The following STIM1 variants were observed in gnomAD, a reference collection of about 807,000 sequenced individuals.
STIM1 encodes the protein stromal interaction molecule 1.
In STIM1, 25 loss-of-function variants were observed where a neutral mutation model predicts 74.7. The observed-to-expected ratio is 0.33, with a 90% confidence interval of 0.24 to 0.47. The LOEUF is 0.47. STIM1 is among the 20% of genes least tolerant of loss of function. The pLI is 1.00. For missense variants in STIM1, 728 were observed against 920.8 expected (o/e 0.79, Z 2.71); for synonymous variants, 328 against 348.8 (o/e 0.94, Z 0.66).
At chr11:4,023,783 A>T in intron 2 of STIM1, 90 bp from the exon 3 acceptor site, 1 of 867,346 alleles carries the variant, frequency 1.2e-6, no homozygotes, top group Non-Finnish European at 1.9e-6. Context: ...GGAATGTGTT[A>T]TGGCTAGCTA....
chr11:3,895,613 T>C (rs1237792764), intron 1 of STIM1, among the ~76,000 whole-genome samples: 414 of 2,288 alleles, frequency 0.18, 7 homozygotes, highest in Admixed American at 0.21. Flanking sequence ...TCTCTCTCTT[T>C]CTTTCTTTCT....
intron 12 of STIM1, among the ~76,000 whole-genome samples, chr11:4,091,059 C>T (rs1180367438): frequency 6.6e-6 from 1 of 151,778 alleles, no homozygotes; most frequent in Non-Finnish European, 1.5e-5. Context: ...CTCCTCCTGC[C>T]TCCTCTCTTA....
intron 2 of STIM1, among the ~76,000 whole-genome samples, chr11:3,981,469 C>T (rs1201411390): frequency 1.3e-5 from 2 of 152,070 alleles, no homozygotes; most frequent in Non-Finnish European, 2.9e-5. Flanking sequence ...GCTGAGTTGA[C>T]GTTATTTTTG....
intron 2 of STIM1, among the ~76,000 whole-genome samples, chr11:3,983,978 T>C (rs535282612): frequency 6.6e-6 from 1 of 152,260 alleles, no homozygotes; most frequent in African/African-American, 2.4e-5. Context: ...GCGATTCTCC[T>C]GCCTCAGCCT....
chr11:3,923,499 C>A (rs1565116845), intron 1 of STIM1, among the ~76,000 whole-genome samples: 1 of 150,908 alleles, frequency 6.6e-6, no homozygotes, highest in African/African-American at 2.5e-5. Flanking sequence ...ATCCCAGCTA[C>A]TTGGGAGGCT....
At position 4,083,486 on chromosome 11, in the gene STIM1, T is replaced by C; in HGVS notation, c.1462T>C (p.Leu488=). ...DDMDEEIVSP[L]SMQYAAWLMG... Reference sequence around the variant, plus strand: ...CATGGATGAGGAGATTGTGTCTCCCTTGTCCATGCAGTGTAGGTGACCTCT... The same window carrying C: ...CATGGATGAGGAGATTGTGTCTCCCCTGTCCATGCAGTGTAGGTGACCTCT... Residue 488 remains leucine (L), a synonymous_variant, in exon 10 of 13, where the codon TTG becomes CTG. Transcript: ENST00000526596. The C allele has an allele frequency of 6.2e-7, 1 of 1,613,826 alleles. No homozygotes were observed. Among genetic ancestry groups the C allele is most frequent in the Non-Finnish European group, 8.5e-7 (1 of 1,179,806 alleles).
intron 1 of STIM1, among the ~76,000 whole-genome samples, chr11:3,901,310 A>G (rs918460405): frequency 2.0e-5 from 3 of 152,246 alleles, no homozygotes; most frequent in African/African-American, 4.8e-5. Flanking sequence ...TGATAAGGAA[A>G]GGTATACAGG....
chr11:3,976,995 A>G (rs1373795569), intron 2 of STIM1, among the ~76,000 whole-genome samples: 1 of 151,976 alleles, frequency 6.6e-6, no homozygotes, highest in South Asian at 2.1e-4. Flanking sequence ...GGGTTTCGCC[A>G]TGTTGGTCAT....
chr11:4,044,758 T>C (rs927014357), intron 3 of STIM1, among the ~76,000 whole-genome samples: 3 of 152,210 alleles, frequency 2.0e-5, no homozygotes, highest in Admixed American at 2.0e-4. Context: ...GCGATTATTC[T>C]AGAGTCCATC....
At chr11:3,921,938 C>T (rs2092722665) in intron 1 of STIM1, 1 of 152,176 alleles carries the variant, frequency 6.6e-6, no homozygotes, top group South Asian at 2.1e-4. Context: ...GAAAGCAAAT[C>T]CTCCAGCCCC....
rs139835540 is a variant in STIM1 at position 3,969,256 on chromosome 11, A to T, written c.270+1574A>T. Among the ~76,000 whole-genome samples, 11 of 152,060 alleles carry T rather than the reference A, an allele frequency of 7.2e-5. No homozygotes were observed. The South Asian group carries it at 2.1e-3, about 29-fold the overall frequency. ...TCCCAGCACTTCGGGAGGCCAAGGC[A>T]GGAGGATAGCTTGAGGCCAAGAATT... is the stretch of plus-strand genomic sequence containing the variant. On this transcript the variant is annotated intron_variant, in intron 2 of 12. Transcript: ENST00000526596.
rs141537848 is a variant in STIM1 at position 3,926,611 on chromosome 11, G to T, written c.140-40941G>T. On this transcript the variant is annotated intron_variant, in intron 1 of 12. Coordinates refer to ENST00000526596, the MANE Select transcript of STIM1 (RefSeq NM_001382567.1). ...GCTTTAAGTCCAGCAAATACTTTGT[G>T]TGGATAGTACTGCCAGCAGCTGCAA... is the stretch of plus-strand genomic sequence containing the variant. 4.5e-4 allele frequency among the ~76,000 whole-genome samples: 69 copies of T among 152,324 alleles called. No homozygotes were observed. In the East Asian group the frequency reaches 0.013, roughly 28 times the overall value.
intron 5 of STIM1, among the ~76,000 whole-genome samples, chr11:4,065,771 GA>G (rs2094361496): frequency 6.6e-6 from 1 of 152,182 alleles, no homozygotes; most frequent in Non-Finnish European, 1.5e-5. Context: ...AACTAGAAGG[GA>G]GGGGGGCCCA....
At chr11:4,065,305 G>T (rs917788349) in intron 5 of STIM1, among the ~76,000 whole-genome samples, 2 of 152,100 alleles carry the variant, frequency 1.3e-5, no homozygotes, top group Non-Finnish European at 2.9e-5. Flanking sequence ...TTGCTTTTCT[G>T]GCAAAGCTCA....
At position 4,059,199 on chromosome 11, in the gene STIM1, C is replaced by A. The variant is rs1033909253; in HGVS notation, c.498-82C>A. On this transcript the variant is annotated intron_variant, in intron 4 of 12. Transcript: ENST00000526596. The stretch of plus-strand genomic sequence containing the variant: ...GCAATCACCAAGAGCTAGAAGTGTT[C>A]CTGGGGGAGGCGGGTAATCCTACCA... The A allele has an allele frequency of 9.1e-6, 11 of 1,207,174 alleles. No homozygotes were observed. The Admixed American group carries it at 1.6e-4, about 17-fold the overall frequency. 74.8% of individuals were successfully genotyped at this position (1,207,174 alleles called of 1,614,324 possible).
At position 3,867,813 on chromosome 11, in the gene STIM1, C is replaced by G. The variant is rs1590507163; in HGVS notation, c.139+11404C>G. Among the ~76,000 whole-genome samples the G allele has an allele frequency of 2.0e-5, 3 of 151,978 alleles. No homozygotes were observed. The East Asian group carries it at 5.8e-4, about 29-fold the overall frequency. On this transcript the variant is annotated intron_variant, in intron 1 of 12. Coordinates refer to ENST00000526596, the MANE Select transcript of STIM1 (RefSeq NM_001382567.1). Reference sequence around the variant, plus strand: ...GCCCCTGGCTGCCTTGTGTTGATCTCTGGCCTAGGTAATGACCAGAAATCT... The same window carrying G: ...GCCCCTGGCTGCCTTGTGTTGATCTGTGGCCTAGGTAATGACCAGAAATCT...
At chr11:3,931,926 T>A (rs1259678808) in intron 1 of STIM1, among the ~76,000 whole-genome samples, 2 of 152,076 alleles carry the variant, frequency 1.3e-5, no homozygotes, top group Non-Finnish European at 2.9e-5. Flanking sequence ...GGGTTTTGAG[T>A]TGAATGAAGG....
chr11:4,092,071 T>G lies in STIM1; in HGVS notation c.*273T>G. 5.9e-6 allele frequency: 3 copies of G among 505,490 alleles called. No individual in the cohort carries two copies. The highest frequency in any genetic ancestry group is 1.1e-5 in the Non-Finnish European group (3 of 278,002). The allele number at this position is 505,490 out of a possible 1,614,324, so 31.3% of individuals were successfully genotyped here. Reference sequence around the variant, plus strand: ...ACTTCAGTGCATGTCTTAGTTGCTGTTCCCTCAGCTCCCAGCTCCACCTCT... The same window carrying G: ...ACTTCAGTGCATGTCTTAGTTGCTGGTCCCTCAGCTCCCAGCTCCACCTCT... On this transcript the variant is annotated 3_prime_UTR_variant, in exon 13 of 13. Transcript: ENST00000526596.
At chr11:3,930,095 G>A (rs114815385) in intron 1 of STIM1, among the ~76,000 whole-genome samples, 243 of 152,278 alleles carry the variant, frequency 1.6e-3, no homozygotes, top group African/African-American at 5.2e-3. Context: ...GCTGCATCAG[G>A]TCAAGTGGAA....
Sources: gnomAD v4.1 joint callset for allele counts (sites outside exome capture counted in the v4.1 genomes callset) on GRCh38, gnomAD v4.1.1 for gene constraint, MANE v1.5 for transcripts, NCBI Gene and HGNC (gene_info 2026-07-23, HGNC 2026-07-21) for gene names.